Variants in ZNF462 observed in about 807,000 individuals in gnomAD.
The protein encoded by ZNF462 is zinc finger PBX1-interacting protein.
In ZNF462, 10 loss-of-function variants were observed where a neutral mutation model predicts 201.9. The ratio of observed to expected loss-of-function variants is 0.05; its 90% CI spans 0.03 to 0.08. The LOEUF (loss-of-function observed/expected upper bound fraction) is 0.08. Among genes scored for constraint, ZNF462 ranks in the 10% least tolerant of loss-of-function variants. ZNF462 has a pLI of 1.00. For synonymous variants in ZNF462, 1,227 were observed against 1,193.3 expected, an observed-to-expected ratio of 1.03 and a Z score of -0.58; for missense variants, 2,523 against 3,168.3, an observed-to-expected ratio of 0.80 and a Z score of 4.89.
rs975516801 is a variant in ZNF462, at chr9:106,930,040, T to A, written c.5847+281T>A. Among the ~76,000 whole-genome samples the A allele has an allele frequency of 1.3e-5, 2 of 152,144 alleles. No individual in the cohort carries two copies. The highest frequency in any genetic ancestry group is 4.1e-4 in the South Asian group (2 of 4,822). The stretch of plus-strand genomic sequence containing the variant: ...TGTATGTCTTTCTGCCAAGTAGCTT[T>A]ATCTGAAGCCTAGTTTTACAACAAC... On this transcript the variant is annotated intron_variant, in intron 3 of 12. Coordinates refer to ENST00000277225, the MANE Select transcript of ZNF462 (RefSeq NM_021224.6). The surrounding 1 kb of genome is among the most constrained non-coding windows in gnomAD (Gnocchi z 5.8).
intron 1 of ZNF462, among the ~76,000 whole-genome samples, chr9:106,904,423 T>G (rs1337297716): frequency 6.6e-6 from 1 of 152,196 alleles, no homozygotes; most frequent in Non-Finnish European, 1.5e-5. Flanking sequence ...AAGATCTTTT[T>G]GCAATGAATT....
chr9:106,950,917 C>T lies in ZNF462; in HGVS notation c.6427+11810C>T, dbSNP rs1196982867. 1.3e-5 allele frequency among the ~76,000 whole-genome samples: 2 copies of T among 151,992 alleles called. No homozygotes were observed. Among genetic ancestry groups the T allele is most frequent in the African/African-American group, 2.4e-5 (1 of 41,364 alleles). On this transcript the variant is annotated intron_variant, in intron 7 of 12. Coordinates refer to ENST00000277225, the MANE Select transcript of ZNF462 (RefSeq NM_021224.6). The surrounding 1 kb of genome is among the most constrained non-coding windows in gnomAD (Gnocchi z 4.1). Reference sequence around the variant, plus strand: ...CCAGCCTGGCCAACATAGTGAAACCCCATCTCTACTAAAAATACAAAAATT... The same window carrying T: ...CCAGCCTGGCCAACATAGTGAAACCTCATCTCTACTAAAAATACAAAAATT...
intron 9 of ZNF462, among the ~76,000 whole-genome samples, chr9:106,976,985 A>G (rs1441315794): frequency 6.6e-6 from 1 of 152,194 alleles, no homozygotes; most frequent in Non-Finnish European, 1.5e-5. Context: ...TGAGAGAGGT[A>G]GTATCACCCT....
chr9:106,998,595 A>C (rs1397892790), intron 10 of ZNF462, among the ~76,000 whole-genome samples: 1 of 151,742 alleles, frequency 6.6e-6, no homozygotes, highest in Non-Finnish European at 1.5e-5. Flanking sequence ...ACCTCATCTC[A>C]CTTTTATTTT....
Position 106,974,249 on chromosome 9 carries a change from A to T in ZNF462, c.6808A>T (p.Ile2270Phe). ...TCACACCAAATACAAGCGCAACATG[A>T]TTGACCACATCGTGCTGCACCGAGG... ...LYHTKYKRNM[I>F]DHIVLHREER... is the part of the protein sequence containing the mutation. Residue 2270 changes from isoleucine (I) to phenylalanine (F), a missense_variant, in exon 9 of 13, where the codon ATT becomes TTT. By Grantham distance (21) the Ile-to-Phe change is conservative. Around this residue, in one of 15 missense-constraint regions of ZNF462, gnomAD observed 228 missense variants for 361.2 expected, o/e 0.63. Transcript: ENST00000277225. The surrounding 1 kb of genome is among the most constrained non-coding windows in gnomAD (Gnocchi z 4.0). 1 of 1,614,058 alleles carries T rather than the reference A, an allele frequency of 6.2e-7. No individual in the cohort carries two copies. Among genetic ancestry groups the T allele is most frequent in the Non-Finnish European group, 8.5e-7 (1 of 1,179,998 alleles).
intron 1 of ZNF462, among the ~76,000 whole-genome samples, chr9:106,900,130 T>A (rs923816509): frequency 6.6e-6 from 1 of 151,970 alleles, no homozygotes; most frequent in Admixed American, 6.6e-5. Context: ...CTTAGAATAA[T>A]AGTCTCCAGT....
intron 1 of ZNF462, among the ~76,000 whole-genome samples, chr9:106,869,007 ACTTTT>A (rs1827470025): frequency 6.6e-6 from 1 of 151,806 alleles, no homozygotes; most frequent in African/African-American, 2.4e-5. Flanking sequence ...TTGTAGCTGT[ACTTTT>A]CTTTTCATCT....
Position 106,863,205 on chromosome 9 carries a change from C to T in ZNF462, c.-181C>T, listed in dbSNP as rs1179638308. The T allele has an allele frequency of 1.0e-5, 4 of 399,124 alleles. No individual in the cohort carries two copies. Among genetic ancestry groups the T allele is most frequent in the African/African-American group, 2.1e-5 (1 of 48,586 alleles). The allele number at this position is 399,124 out of a possible 1,614,324, so 24.7% of individuals were successfully genotyped here. A position where few individuals can be genotyped will look rare whatever the true frequency, so the allele number is the denominator to read the frequency against. ...GAGGAAGGCAGGGAAGATGGCGATCCTCCATTGCTGAGACCCGGCAGAAGC... is the reference window on the plus strand; with the variant it reads ...GAGGAAGGCAGGGAAGATGGCGATCTTCCATTGCTGAGACCCGGCAGAAGC... On this transcript the variant is annotated 5_prime_UTR_variant, in exon 1 of 13. Coordinates refer to ENST00000277225, the MANE Select transcript of ZNF462 (RefSeq NM_021224.6).
intron 1 of ZNF462, among the ~76,000 whole-genome samples, chr9:106,864,689 G>GA (rs112497217): frequency 0.06 from 8,961 of 149,152 alleles, 502 homozygotes; most frequent in African/African-American, 0.15. Context: ...CCCCAACCAA[G>GA]AAAAAAAAAA....
At chr9:106,986,974 A>T (rs890934237) in intron 10 of ZNF462, among the ~76,000 whole-genome samples, 1 of 139,162 alleles carries the variant, frequency 7.2e-6, no homozygotes, top group Non-Finnish European at 1.5e-5. Context: ...GTAGTATTCC[A>T]TCATAGATAG....
Position 107,011,176 on chromosome 9 carries a change from G to A in ZNF462, c.*146G>A. The A allele has an allele frequency of 2.9e-6, 2 of 690,006 alleles. No individual in the cohort carries two copies. Among genetic ancestry groups the A allele is most frequent in the Non-Finnish European group, 2.4e-6 (1 of 416,414 alleles). The allele number at this position is 690,006 out of a possible 1,614,324, so 42.7% of individuals were successfully genotyped here. On this transcript the variant is annotated 3_prime_UTR_variant, in exon 13 of 13. Coordinates refer to ENST00000277225, the MANE Select transcript of ZNF462 (RefSeq NM_021224.6). The surrounding 1 kb of genome is among the most constrained non-coding windows in gnomAD (Gnocchi z 5.6). ...CTGAACAATCTATTTTCAAAGCACT[G>A]GTACCTGTGTGAGTGAGTATGTAAA... is the stretch of plus-strand genomic sequence containing the variant.
At chr9:106,976,108 T>C (rs1244697294) in intron 9 of ZNF462, 1 of 152,248 alleles carries the variant, frequency 6.6e-6, no homozygotes, top group Non-Finnish European at 1.5e-5. Context: ...TGCCGAACTA[T>C]AGGTTTAAAA....
At position 106,925,333 on chromosome 9, in the gene ZNF462, A is replaced by G. The variant is rs1014503676; in HGVS notation, c.1421A>G (p.Glu474Gly). 25 of 1,614,078 alleles carry G rather than the reference A, an allele frequency of 1.5e-5. No individual in the cohort carries two copies. Among genetic ancestry groups the G allele is most frequent in the Non-Finnish European group, 2.0e-5 (24 of 1,180,036 alleles). Residue 474 changes from glutamate (E) to glycine (G), a missense_variant, in exon 3 of 13, where the codon GAA (glutamate) becomes GGA (glycine). Around this residue, in one of 15 missense-constraint regions of ZNF462, gnomAD observed 383 missense variants for 453.4 expected, o/e 0.84. Coordinates refer to ENST00000277225, the MANE Select transcript of ZNF462 (RefSeq NM_021224.6). This position sits in a 1 kb window ranked among gnomAD's most constrained non-coding sequence, Gnocchi z 7.9. The part of the protein sequence containing the change: ...SGKTAVYKCD[E>G]CPFTCKSSLK... ...AAGACAGCTGTCTACAAATGTGACG[A>G]ATGTCCGTTTACTTGCAAGAGCTCG...
At chr9:107,007,587 C>T (rs1175292145) in intron 11 of ZNF462, among the ~76,000 whole-genome samples, 2 of 152,182 alleles carry the variant, frequency 1.3e-5, no homozygotes, top group Admixed American at 6.5e-5. Context: ...TCCCCCTCGC[C>T]GATCCTTGAA....
intron 1 of ZNF462, among the ~76,000 whole-genome samples, chr9:106,908,546 G>A (rs1346298994): frequency 2.6e-5 from 4 of 151,854 alleles, no homozygotes; most frequent in Non-Finnish European, 5.9e-5. Context: ...TACTATATAT[G>A]TGTCTCTTAC....
rs764641033 is a variant in ZNF462, at chr9:106,924,846, A to G, written c.934A>G (p.Ile312Val). 3.1e-6 allele frequency: 5 copies of G among 1,614,180 alleles called. No individual in the cohort carries two copies. The South Asian group carries it at 4.4e-5, about 14-fold the overall frequency. The change falls in exon 3 of 13, where the codon ATA becomes GTA. Residue 312 changes from isoleucine to valine, a missense_variant. Around this residue, in one of 15 missense-constraint regions of ZNF462, gnomAD observed 480 missense variants for 544.4 expected, o/e 0.88. Transcript: ENST00000277225. The surrounding 1 kb of genome is among the most constrained non-coding windows in gnomAD (Gnocchi z 6.2). ...YLTMNAASRE[I>V]PNTTVSNFRG... Reference sequence around the variant, plus strand: ...GACCATGAATGCTGCAAGCCGGGAGATACCCAATACTACCGTCTCCAACTT... The same window carrying G: ...GACCATGAATGCTGCAAGCCGGGAGGTACCCAATACTACCGTCTCCAACTT...
At chr9:106,956,260 A>G (rs1160052200) in intron 7 of ZNF462, among the ~76,000 whole-genome samples, 2 of 152,164 alleles carry the variant, frequency 1.3e-5, no homozygotes, top group African/African-American at 4.8e-5. Flanking sequence ...TGAAAACAAC[A>G]TTAATCTCCT....
In ZNF462 at chr9:106,984,392, C is replaced by T. The variant is rs778074800; in HGVS notation, c.7039C>T (p.Leu2347Phe). ...GCACACGGAGGAACTGGACAGCCAC[C>T]TTCGGGATGAGCATAAGGTACTTAC... ...TKHTEELDSH[L>F]RDEHKVSRNF... Residue 2347 changes from leucine to phenylalanine, a missense_variant, in exon 10 of 13, where the codon CTT becomes TTT. Leu to Phe is a conservative substitution (Grantham distance 22). Around this residue, in one of 15 missense-constraint regions of ZNF462, gnomAD observed 228 missense variants for 361.2 expected, o/e 0.63. Transcript: ENST00000277225. This position sits in a 1 kb window ranked among gnomAD's most constrained non-coding sequence, Gnocchi z 6.4. 11 of 1,613,284 alleles carry T rather than the reference C, an allele frequency of 6.8e-6. No homozygotes were observed. Among genetic ancestry groups the T allele is most frequent in the Non-Finnish European group, 8.5e-7 (1 of 1,179,698 alleles).
In ZNF462 at chr9:106,923,335, G is replaced by T. The variant is rs760642948; in HGVS notation, c.-30-19G>T. 6 of 1,588,982 alleles carry T rather than the reference G, an allele frequency of 3.8e-6. No individual in the cohort carries two copies. In the East Asian group the frequency reaches 1.1e-4, roughly 30 times the overall value. On this transcript the variant is annotated intron_variant, in intron 1 of 12. Transcript: ENST00000277225. The surrounding 1 kb of genome is among the most constrained non-coding windows in gnomAD (Gnocchi z 5.6). The stretch of plus-strand genomic sequence containing the variant: ...ATTAGTGCATTCCTTAAGATGTTTT[G>T]TTCTGACTTCTGCCACAGGTTCCTA...
Sources: allele counts gnomAD v4.1 joint callset (sites outside exome capture counted in the v4.1 genomes callset), GRCh38; gene constraint gnomAD v4.1.1; regional missense constraint gnomAD v4.1.1; non-coding constraint Gnocchi (gnomAD v3.1); transcripts MANE v1.5; gene names NCBI Gene and HGNC (gene_info 2026-07-23, HGNC 2026-07-21).